EPHA3: variants seen among roughly 807,000 people sequenced by gnomAD.
EPHA3 encodes the protein EPH receptor A3.
Under a neutral mutation model 107.1 loss-of-function variants are expected in EPHA3, and 42 were observed. That is an observed-to-expected ratio of 0.39 (90% CI 0.31 to 0.51). The LOEUF is 0.51. Ranked by LOEUF, EPHA3 falls within the 20% of genes least tolerant of loss-of-function variation. EPHA3 has a pLI of 0.78. For synonymous variants in EPHA3, 461 were observed against 424.8 expected, an observed-to-expected ratio of 1.09 and a Z score of -1.05; for missense variants, 1,183 against 1,211.2, an observed-to-expected ratio of 0.98 and a Z score of 0.35.
chr3:89,402,248 A>G (rs761164656), intron 7 of EPHA3, among the ~76,000 whole-genome samples: 1 of 152,188 alleles, frequency 6.6e-6, no homozygotes, highest in Non-Finnish European at 1.5e-5. Flanking sequence ...ATCTCATTCG[A>G]AAACTGCAGG....
chr3:89,168,946 A>G (rs1705145142), intron 2 of EPHA3, among the ~76,000 whole-genome samples: 1 of 151,838 alleles, frequency 6.6e-6, no homozygotes, highest in African/African-American at 2.4e-5. Flanking sequence ...ATTGTACATA[A>G]ATTATATAAA....
At chr3:89,345,463 C>T (rs1236865424) in intron 5 of EPHA3, among the ~76,000 whole-genome samples, 3 of 151,252 alleles carry the variant, frequency 2.0e-5, no homozygotes, top group Admixed American at 6.6e-5. Flanking sequence ...TATACCTTCA[C>T]CCAGATTTCT....
At chr3:89,324,162 T>C (rs1179276446) in intron 3 of EPHA3, among the ~76,000 whole-genome samples, 1 of 150,382 alleles carries the variant, frequency 6.6e-6, no homozygotes, top group Non-Finnish European at 1.5e-5. Context: ...AGTCTTTTTT[T>C]TTTTTTTTTT....
intron 5 of EPHA3, among the ~76,000 whole-genome samples, chr3:89,347,370 C>T (rs1170989495): frequency 1.3e-5 from 2 of 148,596 alleles, no homozygotes; most frequent in East Asian, 3.9e-4. Context: ...ATTTTATTCT[C>T]TTTGAAGCAA....
intron 13 of EPHA3, among the ~76,000 whole-genome samples, chr3:89,438,593 T>A (rs539906684): frequency 1.0e-3 from 158 of 152,292 alleles, no homozygotes; most frequent in Non-Finnish European, 1.7e-3. Flanking sequence ...TCAAAATTGG[T>A]ATAATACAAA....
rs543409354 is a variant in EPHA3, at chr3:89,386,478, G to A, written c.1307-9359G>A. On this transcript the variant is annotated intron_variant, in intron 5 of 16. Transcript: ENST00000336596. ...CTTCTTCCTAGTGTTGAGCCTGCAG[G>A]TGCACTGAGGTTTGGGAACCTCCAC... 5.9e-5 allele frequency among the ~76,000 whole-genome samples: 9 copies of A among 152,292 alleles called. No individual in the cohort carries two copies. The East Asian group carries it at 1.7e-3, about 29-fold the overall frequency.
chr3:89,224,878 T>C (rs147981087), intron 3 of EPHA3, among the ~76,000 whole-genome samples: 1 of 151,506 alleles, frequency 6.6e-6, no homozygotes, highest in East Asian at 1.9e-4. Context: ...TGATAATAAA[T>C]AATAATAAAA....
chr3:89,350,061 A>C (rs1707771576), intron 5 of EPHA3, among the ~76,000 whole-genome samples: 1 of 150,208 alleles, frequency 6.7e-6, no homozygotes. Flanking sequence ...TTTTTCCTTC[A>C]TTTCAACTTT....
chr3:89,295,023 G>T (rs1706312598), intron 3 of EPHA3, among the ~76,000 whole-genome samples: 1 of 152,138 alleles, frequency 6.6e-6, no homozygotes, highest in Admixed American at 6.6e-5. Flanking sequence ...TCAGAGAAGT[G>T]TTTAATCAAG....
intron 1 of EPHA3, among the ~76,000 whole-genome samples, chr3:89,108,290 C>T (rs1576153368): frequency 3.3e-5 from 5 of 152,120 alleles, no homozygotes; most frequent in Admixed American, 1.3e-4. Context: ...GGGATCATGG[C>T]ATTTATGAAT....
intron 2 of EPHA3, among the ~76,000 whole-genome samples, chr3:89,149,604 A>T (rs1377616585): frequency 6.6e-6 from 1 of 151,682 alleles, no homozygotes; most frequent in Non-Finnish European, 1.5e-5. Flanking sequence ...ATTTAACATT[A>T]GGTATATTTC....
intron 5 of EPHA3, among the ~76,000 whole-genome samples, chr3:89,387,683 AAAG>A (rs1190857259): frequency 6.7e-6 from 1 of 148,850 alleles, no homozygotes; most frequent in African/African-American, 2.6e-5. Context: ...GAGATATTAA[AAAG>A]AAGAAGACTT....
In EPHA3 at chr3:89,338,267, A is replaced by G. The variant is rs543838460; in HGVS notation, c.815-2649A>G. Among the ~76,000 whole-genome samples the G allele has an allele frequency of 2.3e-4, 35 of 152,256 alleles. 1 individual carries two copies. The South Asian group carries it at 5.8e-3, about 25-fold the overall frequency. ...CACTACTTGCCATAAAATTCTATGTAACAGTTTGTATTTTTCATGTTGATT... is the reference window on the plus strand; with the variant it reads ...CACTACTTGCCATAAAATTCTATGTGACAGTTTGTATTTTTCATGTTGATT... On this transcript the variant is annotated intron_variant, in intron 3 of 16. Transcript: ENST00000336596.
At chr3:89,397,061 G>T (rs1708864779) in intron 6 of EPHA3, among the ~76,000 whole-genome samples, 1 of 151,898 alleles carries the variant, frequency 6.6e-6, no homozygotes, top group Admixed American at 6.6e-5. Context: ...AGAATTATTG[G>T]CATAATCAAC....
intron 2 of EPHA3, among the ~76,000 whole-genome samples, chr3:89,179,366 G>A (rs568824744): frequency 6.6e-6 from 1 of 151,972 alleles, no homozygotes; most frequent in African/African-American, 2.4e-5. Flanking sequence ...CTTTAAAAAG[G>A]AGGGGAACTT....
At chr3:89,269,835 A>G (rs1380533007) in intron 3 of EPHA3, among the ~76,000 whole-genome samples, 2 of 139,054 alleles carry the variant, frequency 1.4e-5, no homozygotes. Context: ...ATTCCCACCT[A>G]TGACAAAAAT....
intron 5 of EPHA3, among the ~76,000 whole-genome samples, chr3:89,359,695 G>T: frequency 6.9e-6 from 1 of 144,336 alleles, no homozygotes; most frequent in Non-Finnish European, 1.5e-5. Flanking sequence ...GTGTATATAC[G>T]TTATATATTG....
intron 2 of EPHA3, among the ~76,000 whole-genome samples, chr3:89,179,805 T>C (rs534090171): frequency 2.0e-5 from 3 of 152,132 alleles, no homozygotes; most frequent in Admixed American, 2.0e-4. Context: ...TAGATACATG[T>C]TCCCAGCAGG....
At chr3:89,396,050 C>T (rs1025465757) in intron 6 of EPHA3, 89 bp downstream of exon 6, 3 of 1,529,454 alleles carry the variant, frequency 2.0e-6, no homozygotes, top group Non-Finnish European at 1.8e-6. Flanking sequence ...CAGTGACATT[C>T]CTGGTAAATG....
Sources: allele counts gnomAD v4.1 joint callset (sites outside exome capture counted in the v4.1 genomes callset), GRCh38; gene constraint gnomAD v4.1.1; transcripts MANE v1.5; gene names NCBI Gene and HGNC (gene_info 2026-07-23, HGNC 2026-07-21).